The following SEPSECS variants were observed in gnomAD, a reference collection of about 807,000 sequenced individuals.
The protein encoded by SEPSECS is Sep (O-phosphoserine) tRNA:Sec (selenocysteine) tRNA synthase.
In SEPSECS, 42 loss-of-function variants were observed where a neutral mutation model predicts 52.1. That is an observed-to-expected ratio of 0.81 (90% CI 0.63 to 1.04). The LOEUF (loss-of-function observed/expected upper bound fraction) is 1.04. Ranked by LOEUF, SEPSECS falls within the 50% of genes least tolerant of loss-of-function variation. SEPSECS has a pLI of 0.00. For missense variants in SEPSECS, 590 were observed against 610.6 expected, an observed-to-expected ratio of 0.97 and a Z score of 0.36; for synonymous variants, 216 against 211.4, an observed-to-expected ratio of 1.02 and a Z score of -0.19.
At chr4:25,156,795 A>C (rs769494723) in intron 3 of SEPSECS, 61 bp downstream of exon 3, 1 of 766,016 alleles carries the variant, frequency 1.3e-6, no homozygotes, top group Non-Finnish European at 2.3e-6. Context: ...AAATGAAATG[A>C]GTCAGTGGTG....
At position 25,124,223 on chromosome 4, in the gene SEPSECS, AC is replaced by A. The variant is rs762459321; in HGVS notation, c.1213del (p.Val405LeufsTer10). On this transcript the variant is annotated frameshift_variant and splice_region_variant, in exon 11 of 11. Transcript: ENST00000382103. LOFTEE classifies it high-confidence loss of function. ...LFTRQVSGAR[V>X]VPLGSMQTVS... ...AGTTTGCATGGACCCAAGAGGCACA[AC>A]CCTGAAAGAAGAAAGATTTACCAAT... 6.2e-7 allele frequency: 1 copy of A among 1,613,028 alleles called. No homozygotes were observed. The highest frequency in any genetic ancestry group is 1.1e-5 in the South Asian group (1 of 91,030).
chr4:25,142,276 C>CA (rs368146862), intron 8 of SEPSECS, among the ~76,000 whole-genome samples: 25 of 144,454 alleles, frequency 1.7e-4, no homozygotes, highest in South Asian at 4.4e-4. Flanking sequence ...GACTCCATCT[C>CA]AAAAAAAAAA....
In SEPSECS at chr4:25,128,108, T is replaced by G. The variant is rs75794185; in HGVS notation, c.1027-751A>C. Among the ~76,000 whole-genome samples, 1,712 of 152,286 alleles carry G rather than the reference T, an allele frequency of 0.011. 74 individuals are homozygous for G. The East Asian group carries it at 0.12, about 10-fold the overall frequency. On this transcript the variant is annotated intron_variant, in intron 8 of 10. Transcript: ENST00000382103. ...AGTCTCCTTCCAGCATATTACCTAT[T>G]TTGGTTCCTTCACTATACTTGCCAC...
rs570766273 is a variant in SEPSECS at position 25,123,321 on chromosome 4, C to T, written c.*610G>A. 5.3e-4 allele frequency: 83 copies of T among 155,658 alleles called. No homozygotes were observed. The highest frequency in any genetic ancestry group is 1.0e-3 in the Non-Finnish European group (70 of 70,100). The allele number at this position is 155,658 out of a possible 1,614,324, so 9.6% of individuals were successfully genotyped here. On this transcript the variant is annotated 3_prime_UTR_variant, in exon 11 of 11. Transcript: ENST00000382103. The stretch of plus-strand genomic sequence containing the variant: ...ATGCATTGTAGGATGTTGAGTAGCA[C>T]CCTGGCCTCTATCCTCTAGATGTTA...
chr4:25,160,087 G>C, intron 1 of SEPSECS, 169 bp downstream of exon 1: 17 of 985,436 alleles, frequency 1.7e-5, no homozygotes, highest in Non-Finnish European at 1.7e-5. Flanking sequence ...TGGCAAGGCT[G>C]AGAAGGCACA....
chr4:25,152,679 C>T (rs1712371570), intron 5 of SEPSECS, among the ~76,000 whole-genome samples: 1 of 151,888 alleles, frequency 6.6e-6, no homozygotes, highest in South Asian at 2.1e-4. Flanking sequence ...TCATTTTACA[C>T]CTCTCATATT....
At chr4:25,158,505 G>A (rs1055724753) in intron 2 of SEPSECS, among the ~76,000 whole-genome samples, 4 of 151,902 alleles carry the variant, frequency 2.6e-5, no homozygotes, top group East Asian at 3.9e-4. Context: ...TTGCAACAGA[G>A]GTATTTATAA....
At chr4:25,136,061 A>G (rs1444832905) in intron 8 of SEPSECS, among the ~76,000 whole-genome samples, 2 of 152,196 alleles carry the variant, frequency 1.3e-5, no homozygotes, top group Non-Finnish European at 2.9e-5. Context: ...TCTCAAAATA[A>G]TAATAGCCAT....
chr4:25,139,087 G>A (rs1325173545), intron 8 of SEPSECS, among the ~76,000 whole-genome samples: 1 of 152,034 alleles, frequency 6.6e-6, no homozygotes, highest in African/African-American at 2.4e-5. Flanking sequence ...CCAGATCTGG[G>A]GTAGGTGTCC....
intron 8 of SEPSECS, among the ~76,000 whole-genome samples, chr4:25,130,892 C>G (rs1728579932): frequency 6.6e-6 from 1 of 152,096 alleles, no homozygotes; most frequent in Admixed American, 6.5e-5. Context: ...TAAAATACTT[C>G]TGTAAAGAAA....
intron 10 of SEPSECS, 95 bp downstream of exon 10, chr4:25,125,599 G>A: frequency 2.5e-6 from 2 of 789,250 alleles, no homozygotes; most frequent in South Asian, 2.9e-5. Context: ...GTATAGTTCA[G>A]GATATACTTG....
intron 3 of SEPSECS, 112 bp from the exon 4 acceptor site, chr4:25,156,307 T>G: frequency 1.1e-6 from 1 of 929,836 alleles, no homozygotes; most frequent in Non-Finnish European, 1.7e-6. Context: ...GCCCTAGGGC[T>G]TCTGTTTCTG....
chr4:25,140,617 G>A (rs1729022440), intron 8 of SEPSECS, among the ~76,000 whole-genome samples: 1 of 152,158 alleles, frequency 6.6e-6, no homozygotes, highest in Non-Finnish European at 1.5e-5. Context: ...AATGTACTTA[G>A]AAGAGTGCCT....
intron 8 of SEPSECS, among the ~76,000 whole-genome samples, chr4:25,141,767 G>C (rs1711560711): frequency 6.6e-6 from 1 of 152,122 alleles, no homozygotes; most frequent in African/African-American, 2.4e-5. Context: ...CTGTGGCCTA[G>C]AAGGCCCCAC....
chr4:25,159,119 A>AC lies in SEPSECS; in HGVS notation c.115-13_115-12insG. The AC allele has an allele frequency of 3.2e-6, 5 of 1,567,390 alleles. No individual in the cohort carries two copies. Among genetic ancestry groups the AC allele is most frequent in the Non-Finnish European group, 3.4e-6 (4 of 1,162,118 alleles). On this transcript the variant is annotated splice_polypyrimidine_tract_variant and intron_variant, in intron 1 of 10. Transcript: ENST00000382103. ...TCTGGACACTTGCCCTTAAAAAAAA[A>AC]AAAAAACTTATGATTATATTTAATA...
chr4:25,135,591 A>G (rs1577608638), intron 8 of SEPSECS, among the ~76,000 whole-genome samples: 1 of 152,332 alleles, frequency 6.6e-6, no homozygotes, highest in Middle Eastern at 3.4e-3. Context: ...AACCAAAAAA[A>G]GCCCAGGACC....
In SEPSECS at chr4:25,156,707, CAAAAAAAAAAAAA is replaced by C. The variant is rs34542574; in HGVS notation, c.388+136_388+148del. 3.7e-4 allele frequency: 85 copies of C among 229,644 alleles called. 1 individual carries two copies. The highest frequency in any genetic ancestry group is 2.4e-3 in the East Asian group (21 of 8,722). 14.2% of individuals were successfully genotyped at this position (229,644 alleles called of 1,614,324 possible). A position where few individuals can be genotyped will look rare whatever the true frequency, so the allele number is the denominator to read the frequency against. On this transcript the variant is annotated intron_variant, in intron 3 of 10. Transcript: ENST00000382103. ...TGGGCAACAGAGCTAGACTCCGTCT[CAAAAAAAAAAAAA>C]AAAAAAAAAAAAAAAGAAGTCTTTT...
In SEPSECS at chr4:25,156,915, C is replaced by G. The variant is rs777079103; in HGVS notation, c.329G>C (p.Gly110Ala). The G allele has an allele frequency of 6.2e-7, 1 of 1,613,500 alleles. No homozygotes were observed. The highest frequency in any genetic ancestry group is 8.5e-7 in the Non-Finnish European group (1 of 1,179,682). The stretch of plus-strand genomic sequence containing the variant: ...GGTAATTTTGTTCAAAAGGCTAGAG[C>G]CTGCAGCTTTTGGTTGCACAGCAGA... ...DISAVQPKAA[G>A]SSLLNKITNS... Residue 110 changes from glycine (G) to alanine (A), a missense_variant, in exon 3 of 11, where the codon GGC becomes GCC. Transcript: ENST00000382103.
At chr4:25,157,022 G>A (rs377263978) in intron 2 of SEPSECS, 48 bp from the exon 3 acceptor site, 10 of 976,828 alleles carry the variant, frequency 1.0e-5, no homozygotes, top group East Asian at 7.1e-5. Flanking sequence ...TCAGCATTCC[G>A]AGTAATACAA....
Sources: allele counts gnomAD v4.1 joint callset (sites outside exome capture counted in the v4.1 genomes callset), GRCh38; gene constraint gnomAD v4.1.1; transcripts MANE v1.5; gene names NCBI Gene and HGNC (gene_info 2026-07-23, HGNC 2026-07-21).